The following NTRK3 variants were observed in gnomAD, a reference collection of about 807,000 sequenced individuals.
The protein encoded by NTRK3 is neurotrophic receptor tyrosine kinase 3, also known as NT-3 growth factor receptor.
In NTRK3, 24 loss-of-function variants were observed where a neutral mutation model predicts 91.7. The ratio of observed to expected loss-of-function variants is 0.26; its 90% confidence interval spans 0.19 to 0.37. The LOEUF (loss-of-function observed/expected upper bound fraction) is 0.37, where lower values mean the gene tolerates loss of function less well. Among genes scored for constraint, NTRK3 ranks in the 10% least tolerant of loss-of-function variants. The pLI, the probability that NTRK3 is intolerant of heterozygous loss-of-function variation, is 1.00. For missense variants in NTRK3, 880 were observed against 1,068.9 expected (o/e 0.82, Z 2.46); for synonymous variants, 483 against 404.0 (o/e 1.20, Z -2.34).
intron 17 of NTRK3, among the ~76,000 whole-genome samples, chr15:87,886,809 GA>G (rs1021692713): frequency 6.9e-6 from 1 of 145,236 alleles, no homozygotes; most frequent in Non-Finnish European, 1.5e-5. Context: ...TATCACACTT[GA>G]AAATTTAAAA....
intron 14 of NTRK3, among the ~76,000 whole-genome samples, chr15:88,032,185 G>C (rs1423991548): frequency 6.6e-6 from 1 of 152,086 alleles, no homozygotes; most frequent in Non-Finnish European, 1.5e-5. Context: ...GGACAGACAA[G>C]TCATTGAGGC....
chr15:87,990,379 CCT>C (rs1448797711), intron 14 of NTRK3, among the ~76,000 whole-genome samples: 1 of 152,160 alleles, frequency 6.6e-6, no homozygotes, highest in Non-Finnish European at 1.5e-5. Flanking sequence ...AAATTCCTGC[CCT>C]GACTTTTTGA....
chr15:88,003,826 AT>A (rs35312227), intron 14 of NTRK3, among the ~76,000 whole-genome samples: 4,133 of 136,246 alleles, frequency 0.03, 64 homozygotes, highest in African/African-American at 0.055. Context: ...ATATATTTGG[AT>A]TTTTTTTTTT....
chr15:88,236,514 TAAA>T (rs60187446), intron 3 of NTRK3, among the ~76,000 whole-genome samples: 76 of 53,762 alleles, frequency 1.4e-3, no homozygotes, highest in Middle Eastern at 0.017. Context: ...CCTCTATTAT[TAAA>T]AAAAAAAAAA....
chr15:87,907,905 C>T (rs946748853), intron 17 of NTRK3, among the ~76,000 whole-genome samples: 3 of 152,170 alleles, frequency 2.0e-5, no homozygotes, highest in Admixed American at 6.5e-5. Flanking sequence ...CCTGCAAGCA[C>T]TGGGGGATCT....
intron 13 of NTRK3, among the ~76,000 whole-genome samples, chr15:88,090,949 G>A (rs372946966): frequency 6.6e-6 from 1 of 152,176 alleles, no homozygotes; most frequent in Admixed American, 6.5e-5. Context: ...CAAGCCATCT[G>A]ACCAAGACTC....
At position 87,940,900 on chromosome 15, in the gene NTRK3, T is replaced by C. The variant is rs192718776; in HGVS notation, c.1586-147A>G. The C allele has an allele frequency of 1.6e-3, 1,723 of 1,074,172 alleles. 1 individual carries two copies. Among genetic ancestry groups the C allele is most frequent in the Non-Finnish European group, 2.0e-3 (1,423 of 705,868 alleles). 66.5% of individuals were successfully genotyped at this position (1,074,172 alleles called of 1,614,324 possible). A position where few individuals can be genotyped will look rare whatever the true frequency, so the allele number is the denominator to read the frequency against. On this transcript the variant is annotated intron_variant, in intron 14 of 18. Transcript: ENST00000394480. ...AAACTCTAGCACACCAGCTTTAGCATAAAAACTGACATCCCTCTGTGGTTT... is the reference window on the plus strand; with the variant it reads ...AAACTCTAGCACACCAGCTTTAGCACAAAAACTGACATCCCTCTGTGGTTT...
chr15:87,952,430 C>T (rs2141123947), intron 14 of NTRK3, among the ~76,000 whole-genome samples: 1 of 152,256 alleles, frequency 6.6e-6, no homozygotes, highest in East Asian at 1.9e-4. Flanking sequence ...CTGGTTGCCC[C>T]ATTGGGGCTT....
chr15:88,135,668 A>C (rs1164123097), intron 9 of NTRK3, among the ~76,000 whole-genome samples: 2 of 152,174 alleles, frequency 1.3e-5, no homozygotes, highest in African/African-American at 4.8e-5. Context: ...AGTGTCCTGA[A>C]GATGTAGTTG....
chr15:88,055,988 C>T (rs753580028), intron 13 of NTRK3, among the ~76,000 whole-genome samples: 4 of 151,872 alleles, frequency 2.6e-5, no homozygotes, highest in Non-Finnish European at 5.9e-5. Context: ...AGTGCCCCGG[C>T]AGCAGGATAG....
chr15:88,091,960 A>T (rs1012081170), intron 13 of NTRK3, among the ~76,000 whole-genome samples: 9 of 152,210 alleles, frequency 5.9e-5, no homozygotes, highest in African/African-American at 2.2e-4. Context: ...AAAAGAAGTA[A>T]ATCTTCTGCA....
intron 13 of NTRK3, among the ~76,000 whole-genome samples, chr15:88,111,294 T>C (rs12901745): frequency 0.61 from 92,309 of 151,958 alleles, 29,120 homozygotes; most frequent in African/African-American, 0.78. Context: ...CCAGGAGGTG[T>C]TATGTTGTTT....
At position 88,243,386 on chromosome 15, in the gene NTRK3, G is replaced by A. The variant is rs1047605907; in HGVS notation, c.248+12520C>T. Among the ~76,000 whole-genome samples, 2 of 152,056 alleles carry A rather than the reference G, an allele frequency of 1.3e-5. No individual in the cohort carries two copies. The highest frequency in any genetic ancestry group is 4.8e-5 in the African/African-American group (2 of 41,398). ...TGGATCTCAGGTGGAGAAATGAAGA[G>A]GCTGCAAGGATGAGAGCCAGGGTCA... is the stretch of plus-strand genomic sequence containing the variant. On this transcript the variant is annotated intron_variant, in intron 3 of 18. Transcript: ENST00000394480. This position sits in a 1 kb window ranked among gnomAD's most constrained non-coding sequence, Gnocchi z 4.8.
chr15:88,238,134 G>T (rs2051976856), intron 3 of NTRK3, among the ~76,000 whole-genome samples: 1 of 152,080 alleles, frequency 6.6e-6, no homozygotes, highest in African/African-American at 2.4e-5. Flanking sequence ...ATGGAGGGAG[G>T]CCTCAGAAGA....
chr15:87,981,147 G>C lies in NTRK3; in HGVS notation c.1586-40394C>G, dbSNP rs553773173. The C allele has an allele frequency of 1.7e-5, 26 of 1,548,684 alleles. No homozygotes were observed. The East Asian group carries it at 6.1e-4, about 36-fold the overall frequency. On this transcript the variant is annotated intron_variant, in intron 14 of 18. Coordinates refer to ENST00000394480, the Ensembl canonical transcript of NTRK3. ...CACGAAATATATGGAGGCTTGATGAGTCTTAAGGTCTTAAGAACCAAAATT... is the reference window on the plus strand; with the variant it reads ...CACGAAATATATGGAGGCTTGATGACTCTTAAGGTCTTAAGAACCAAAATT...
chr15:88,108,031 T>G (rs1300165268), intron 13 of NTRK3, among the ~76,000 whole-genome samples: 2 of 152,126 alleles, frequency 1.3e-5, no homozygotes, highest in Non-Finnish European at 2.9e-5. Flanking sequence ...CAGGAGACGC[T>G]GACAGTAGCC....
At chr15:88,113,095 A>G (rs1358258768) in intron 13 of NTRK3, among the ~76,000 whole-genome samples, 1 of 152,144 alleles carries the variant, frequency 6.6e-6, no homozygotes, top group African/African-American at 2.4e-5. Flanking sequence ...AGACCAACCC[A>G]GTCATTACTG....
intron 17 of NTRK3, among the ~76,000 whole-genome samples, chr15:87,906,912 T>G (rs2066801327): frequency 6.6e-6 from 1 of 152,202 alleles, no homozygotes; most frequent in Non-Finnish European, 1.5e-5. Context: ...AGGGCAGCGA[T>G]TTTTGTCTGT....
At chr15:88,020,667 G>A (rs2077534086) in intron 14 of NTRK3, among the ~76,000 whole-genome samples, 1 of 152,130 alleles carries the variant, frequency 6.6e-6, no homozygotes, top group Admixed American at 6.5e-5. Flanking sequence ...ACCTGCCAAG[G>A]TGGTCACCTT....
Sources: gnomAD v4.1 joint callset for allele counts (sites outside exome capture counted in the v4.1 genomes callset) on GRCh38, gnomAD v4.1.1 for gene constraint, Gnocchi (gnomAD v3.1) non-coding constraint, MANE v1.5 for transcripts, NCBI Gene and HGNC (gene_info 2026-07-23, HGNC 2026-07-21) for gene names.